The following CALD1 variants were observed in gnomAD, a reference collection of about 807,000 sequenced individuals.
CALD1 encodes caldesmon 1.
In CALD1, 33 loss-of-function variants were observed where a neutral mutation model predicts 99.9. The observed-to-expected ratio is 0.33, with a 90% CI of 0.25 to 0.44. The LOEUF (loss-of-function observed/expected upper bound fraction) is 0.44, where lower values mean the gene tolerates loss of function less well. Among genes scored for constraint, CALD1 ranks in the 20% least tolerant of loss-of-function variants. The pLI, the probability that CALD1 is intolerant of heterozygous loss-of-function variation, is 1.00. For missense variants in CALD1, 861 were observed against 962.1 expected (o/e 0.89, Z 1.39); for synonymous variants, 310 against 325.0 (o/e 0.95, Z 0.50).
At chr7:134,911,628 T>C (rs1803818552) in intron 3 of CALD1, among the ~76,000 whole-genome samples, 2 of 152,222 alleles carry the variant, frequency 1.3e-5, no homozygotes, top group South Asian at 4.1e-4. Context: ...TTGGAGTATT[T>C]GGCCTTTCCA....
chr7:134,949,350 CTTAAGAACTA>C (rs1453570132), intron 8 of CALD1, among the ~76,000 whole-genome samples: 3 of 152,038 alleles, frequency 2.0e-5, no homozygotes, highest in Non-Finnish European at 2.9e-5. Flanking sequence ...GATCTCACAG[CTTAAGAACTA>C]CCAAAGACTG....
intron 1 of CALD1, among the ~76,000 whole-genome samples, chr7:134,822,601 A>G (rs868336843): frequency 6.6e-6 from 1 of 152,204 alleles, no homozygotes; most frequent in Non-Finnish European, 1.5e-5. Flanking sequence ...TCTCAAACAT[A>G]TTCTGTAGTT....
rs374383461 is a variant in CALD1, at chr7:134,960,557, G to A, written c.2224G>A (p.Val742Ile). The stretch of plus-strand genomic sequence containing the variant: ...GGAAACTGCTGGCTTGAAGGTAGGG[G>A]TTTCTAGCCGCATCAATGAATGGCT... ...NKETAGLKVG[V>I]SSRINEWLTK... The change falls in exon 13 of 15, where the codon GTT (valine) becomes ATT (isoleucine). Residue 742 changes from valine to isoleucine, a missense_variant. Transcript: ENST00000361675. 23 of 1,612,746 alleles carry A rather than the reference G, an allele frequency of 1.4e-5. No homozygotes were observed. The African/African-American group carries it at 2.3e-4, about 16-fold the overall frequency.
At chr7:134,812,968 G>A (rs1798410940) in intron 1 of CALD1, among the ~76,000 whole-genome samples, 1 of 152,190 alleles carries the variant, frequency 6.6e-6, no homozygotes, top group African/African-American at 2.4e-5. Flanking sequence ...AAAGGAGACT[G>A]AGAAGAGTGG....
At position 134,765,660 on chromosome 7, in the gene CALD1, T is replaced by C. The variant is rs569237997; in HGVS notation, c.-130+21297T>C. Among the ~76,000 whole-genome samples the C allele has an allele frequency of 4.0e-4, 61 of 152,340 alleles. 1 individual carries two copies. Among genetic ancestry groups the C allele is most frequent in the African/African-American group, 1.4e-3 (60 of 41,588 alleles). ...CCCACCCAAATCTCATGTTGAATTG[T>C]AATCTGCAGTATTGGAGGTGGGGCC... On this transcript the variant is annotated intron_variant, in intron 1 of 13. Coordinates refer to the CALD1 transcript ENST00000417172.
At chr7:134,806,880 C>T (rs553450757) in intron 1 of CALD1, among the ~76,000 whole-genome samples, 2 of 152,174 alleles carry the variant, frequency 1.3e-5, no homozygotes, top group African/African-American at 4.8e-5. Context: ...CAACATGGCT[C>T]CCAAAGAGTA....
chr7:134,880,967 T>C (rs1316149392), intron 3 of CALD1, among the ~76,000 whole-genome samples: 1 of 152,176 alleles, frequency 6.6e-6, no homozygotes, highest in Non-Finnish European at 1.5e-5. Flanking sequence ...CCAAATCCTT[T>C]AGTCCCTAAG....
chr7:134,965,251 G>A, intron 13 of CALD1, 55 bp from the exon 14 acceptor site: 1 of 851,270 alleles, frequency 1.2e-6, no homozygotes, highest in Non-Finnish European at 2.1e-6. Context: ...ATTTAGAGCT[G>A]GCTAGAAAAT....
the CALD1 span, among the ~76,000 whole-genome samples, chr7:134,734,340 T>C: frequency 9.4e-6 from 1 of 106,182 alleles, no homozygotes; most frequent in Non-Finnish European, 1.9e-5. Flanking sequence ...TTTACTGTGG[T>C]TTTTGTTTTT....
intron 1 of CALD1, among the ~76,000 whole-genome samples, chr7:134,762,931 C>A (rs1796791601): frequency 6.6e-6 from 1 of 152,162 alleles, no homozygotes; most frequent in Admixed American, 6.5e-5. Context: ...CTCTAAAATT[C>A]ATTCATCCCA....
chr7:134,960,646 T>C lies in CALD1; in HGVS notation c.2295+18T>C, dbSNP rs1808196144. 6.7e-7 allele frequency: 1 copy of C among 1,499,732 alleles called. No individual in the cohort carries two copies. Among genetic ancestry groups the C allele is most frequent in the Non-Finnish European group, 9.3e-7 (1 of 1,076,994 alleles). The allele number at this position is 1,499,732 out of a possible 1,614,324, so 92.9% of individuals were successfully genotyped here. On this transcript the variant is annotated intron_variant, in intron 13 of 14. Transcript: ENST00000361675. Reference sequence around the variant, plus strand: ...AACCTTCTGTAAGTACCTTTAGGTTTTTCTGAGTTTCTTTGATCTCCCAGC... The same window carrying C: ...AACCTTCTGTAAGTACCTTTAGGTTCTTCTGAGTTTCTTTGATCTCCCAGC...
At chr7:134,946,837 C>T (rs968345291) in intron 7 of CALD1, among the ~76,000 whole-genome samples, 1 of 151,810 alleles carries the variant, frequency 6.6e-6, no homozygotes. Flanking sequence ...CACGCCGCCA[C>T]GCCCGGCTAA....
chr7:134,935,398 A>T (rs573900744), intron 5 of CALD1, among the ~76,000 whole-genome samples: 1 of 152,322 alleles, frequency 6.6e-6, no homozygotes, highest in African/African-American at 2.4e-5. Context: ...GCTAAAATTG[A>T]GACCATGAGC....
At chr7:134,787,577 T>C (rs559449207) in intron 1 of CALD1, among the ~76,000 whole-genome samples, 19 of 152,290 alleles carry the variant, frequency 1.2e-4, no homozygotes, top group African/African-American at 4.6e-4. Flanking sequence ...TCACAGCCCC[T>C]GGTTTAGATG....
intron 3 of CALD1, among the ~76,000 whole-genome samples, chr7:134,906,331 C>A (rs952071630): frequency 6.6e-6 from 1 of 152,200 alleles, no homozygotes; most frequent in Non-Finnish European, 1.5e-5. Context: ...AAAGAGCCCC[C>A]ACTTTGGGGT....
chr7:134,755,934 G>C (rs1334719719), intron 1 of CALD1, among the ~76,000 whole-genome samples: 1 of 152,096 alleles, frequency 6.6e-6, no homozygotes, highest in African/African-American at 2.4e-5. Context: ...TGGATGATGT[G>C]AGATAGGGAT....
chr7:134,950,036 T>A (rs1807215322), intron 8 of CALD1, among the ~76,000 whole-genome samples: 2 of 152,196 alleles, frequency 1.3e-5, no homozygotes, highest in South Asian at 4.1e-4. Flanking sequence ...AAGTTTGGTG[T>A]AAGCATTTTA....
intron 1 of CALD1, among the ~76,000 whole-genome samples, chr7:134,760,865 G>T (rs191031576): frequency 1.3e-5 from 2 of 152,070 alleles, no homozygotes; most frequent in Non-Finnish European, 2.9e-5. Context: ...TTTAACTTTT[G>T]TTTTAGGTTT....
At chr7:134,860,451 A>G (rs1014676091) in intron 2 of CALD1, among the ~76,000 whole-genome samples, 1 of 152,188 alleles carries the variant, frequency 6.6e-6, no homozygotes, top group African/African-American at 2.4e-5. Context: ...TACATAGTCA[A>G]TTACCAAGGT....
Sources: gnomAD v4.1 joint callset for allele counts (sites outside exome capture counted in the v4.1 genomes callset) on GRCh38, gnomAD v4.1.1 for gene constraint, MANE v1.5 for transcripts, NCBI Gene and HGNC (gene_info 2026-07-23, HGNC 2026-07-21) for gene names.